KYNU: variants seen among roughly 807,000 people sequenced by gnomAD.
KYNU encodes L-kynurenine hydrolase.
In KYNU, 54 loss-of-function variants were observed where a neutral mutation model predicts 59.2. That is an observed-to-expected ratio of 0.91 (90% CI 0.73 to 1.14). The LOEUF is 1.14. KYNU is among the 50% of genes most tolerant of loss of function. The pLI, the probability that KYNU is intolerant of heterozygous loss-of-function variation, is 0.00. For missense variants in KYNU, 567 were observed against 554.4 expected (o/e 1.02, Z -0.23); for synonymous variants, 177 against 192.0 (o/e 0.92, Z 0.65).
intron 8 of KYNU, among the ~76,000 whole-genome samples, chr2:142,972,694 C>T (rs933313865): frequency 4.0e-5 from 6 of 151,714 alleles, no homozygotes; most frequent in African/African-American, 1.5e-4. Flanking sequence ...CTAGCTATAG[C>T]TGATACCAAA....
At chr2:142,944,588 C>T (rs1558936088) in intron 4 of KYNU, among the ~76,000 whole-genome samples, 1 of 151,796 alleles carries the variant, frequency 6.6e-6, no homozygotes, top group Admixed American at 6.6e-5. Flanking sequence ...AACTGGAGCT[C>T]TTGATGTTTC....
At chr2:142,897,404 C>T (rs1041397865) in intron 2 of KYNU, among the ~76,000 whole-genome samples, 4 of 152,174 alleles carry the variant, frequency 2.6e-5, no homozygotes, top group Non-Finnish European at 4.4e-5. Context: ...TTCAATATTA[C>T]CAGCAACTGT....
chr2:143,026,234 T>A (rs897586413), intron 10 of KYNU, among the ~76,000 whole-genome samples: 1 of 152,240 alleles, frequency 6.6e-6, no homozygotes, highest in African/African-American at 2.4e-5. Context: ...ATATATTCTT[T>A]TAAATAGGAT....
At chr2:142,949,321 G>A (rs1283038637) in intron 4 of KYNU, among the ~76,000 whole-genome samples, 2 of 152,214 alleles carry the variant, frequency 1.3e-5, no homozygotes, top group East Asian at 3.9e-4. Flanking sequence ...ACTAGGTGGT[G>A]TCCCAGTAGG....
intron 2 of KYNU, among the ~76,000 whole-genome samples, chr2:142,886,578 T>C (rs997869672): frequency 1.5e-5 from 2 of 131,006 alleles, no homozygotes; most frequent in Non-Finnish European, 3.4e-5. Context: ...TCTGAGACCA[T>C]AGAAGAAAAA....
intron 10 of KYNU, among the ~76,000 whole-genome samples, chr2:143,019,970 G>T (rs567743627): frequency 1.3e-5 from 2 of 151,940 alleles, no homozygotes; most frequent in South Asian, 4.2e-4. Context: ...GGTATCAGTT[G>T]TAATATTCCC....
In KYNU at chr2:143,047,521, CTCTT is replaced by C. The variant is rs1413825671; in HGVS notation, c.*5357_*5360del. On this transcript the variant is annotated 3_prime_UTR_variant, in exon 14 of 14. Coordinates refer to ENST00000264170, the MANE Select transcript of KYNU (RefSeq NM_003937.3). ...TTCCTTCCTTCCTTCTTTCCTTGTTCTCTTTCTTTCTCTCTCTTTCTCTTTCTCT... is the reference window on the plus strand; with the variant it reads ...TTCCTTCCTTCCTTCTTTCCTTGTTCTCTTTCTCTCTCTTTCTCTTTCTCT... The C allele has an allele frequency of 2.6e-5, 4 of 151,260 alleles. No homozygotes were observed. Among genetic ancestry groups the C allele is most frequent in the Non-Finnish European group, 5.9e-5 (4 of 67,810 alleles). The allele number at this position is 151,260 out of a possible 1,614,324, so 9.4% of individuals were successfully genotyped here.
At chr2:142,983,136 TCATTCATGTTTCTGTGG>T (rs779750590) in intron 8 of KYNU, among the ~76,000 whole-genome samples, 1,661 of 152,130 alleles carry the variant, frequency 0.011, 14 homozygotes, top group Middle Eastern at 0.02. Flanking sequence ...TCAGCTGAGC[TCATTCATGTTTCTGTGG>T]CAAACTGCAA....
chr2:142,996,402 A>G (rs1291839837), intron 10 of KYNU, among the ~76,000 whole-genome samples: 1 of 152,120 alleles, frequency 6.6e-6, no homozygotes. Context: ...TTTATTTTGT[A>G]GGGACGGGGT....
intron 1 of KYNU, among the ~76,000 whole-genome samples, chr2:142,878,510 C>A (rs1344785810): frequency 6.6e-6 from 1 of 152,090 alleles, no homozygotes; most frequent in Non-Finnish European, 1.5e-5. Flanking sequence ...GCTTTCTCAA[C>A]ATATTTTTAA....
At chr2:142,995,701 A>T (rs1477287177) in intron 10 of KYNU, among the ~76,000 whole-genome samples, 1 of 152,044 alleles carries the variant, frequency 6.6e-6, no homozygotes, top group East Asian at 1.9e-4. Flanking sequence ...AGCTGAAGCA[A>T]TCTACTTTCT....
intron 10 of KYNU, among the ~76,000 whole-genome samples, chr2:143,017,029 G>T (rs1686269143): frequency 6.6e-6 from 1 of 152,160 alleles, no homozygotes. Flanking sequence ...GCATTAATTT[G>T]CTTAGGATAA....
chr2:142,901,439 T>C (rs561645392), intron 2 of KYNU, among the ~76,000 whole-genome samples: 1 of 152,294 alleles, frequency 6.6e-6, no homozygotes, highest in African/African-American at 2.4e-5. Context: ...GAGTTCTGCC[T>C]TGTGGCTCTT....
At chr2:142,947,466 C>T (rs569703455) in intron 4 of KYNU, 2 of 400,578 alleles carry the variant, frequency 5.0e-6, no homozygotes, top group East Asian at 8.7e-5. Context: ...GCCTTTTTCC[C>T]AGCTCTTCTG....
At chr2:142,977,372 G>GAGTTTTATATATATATAT (rs1553484697) in intron 8 of KYNU, among the ~76,000 whole-genome samples, 1 of 131,152 alleles carries the variant, frequency 7.6e-6, no homozygotes, top group African/African-American at 2.9e-5. Context: ...ATTTTGTGTG[G>GAGTTTTATATATATATAT]ATATATATAT....
In KYNU at chr2:142,998,736, G is replaced by A. The variant is rs549933085; in HGVS notation, c.902+12715G>A. ...AAAAGAATAGCTTCTGTGACCAGGCGCAGAGGCTCATACCTGTAATCTGAC... is the reference window on the plus strand; with the variant it reads ...AAAAGAATAGCTTCTGTGACCAGGCACAGAGGCTCATACCTGTAATCTGAC... On this transcript the variant is annotated intron_variant, in intron 10 of 13. Transcript: ENST00000264170. 4.7e-4 allele frequency among the ~76,000 whole-genome samples: 71 copies of A among 152,124 alleles called. 1 individual carries two copies. The South Asian group carries it at 0.011, about 24-fold the overall frequency.
At chr2:142,931,246 C>T (rs530000301) in intron 4 of KYNU, among the ~76,000 whole-genome samples, 1 of 152,218 alleles carries the variant, frequency 6.6e-6, no homozygotes, top group African/African-American at 2.4e-5. Context: ...CGTACATTCC[C>T]GTCTATTTGG....
intron 5 of KYNU, 131 bp from the exon 6 acceptor site, chr2:142,956,072 C>A: frequency 1.7e-6 from 1 of 582,628 alleles, no homozygotes; most frequent in East Asian, 2.9e-5. Context: ...GTAGTCCTGA[C>A]AAACACTTAA....
intron 10 of KYNU, among the ~76,000 whole-genome samples, chr2:142,987,223 C>T (rs1685232690): frequency 6.6e-6 from 1 of 151,784 alleles, no homozygotes; most frequent in South Asian, 2.1e-4. Flanking sequence ...ACAACCCTGG[C>T]CATTTCTCAG....
Sources: gnomAD v4.1 joint callset for allele counts (sites outside exome capture counted in the v4.1 genomes callset) on GRCh38, gnomAD v4.1.1 for gene constraint, MANE v1.5 for transcripts, NCBI Gene and HGNC (gene_info 2026-07-23, HGNC 2026-07-21) for gene names.